THEMIS: variants seen among roughly 807,000 people sequenced by gnomAD.
THEMIS encodes protein THEMIS.
In THEMIS, 37 loss-of-function variants were observed where a neutral mutation model predicts 52.6. That is an observed-to-expected ratio of 0.70 (90% CI 0.54 to 0.93). THEMIS has a LOEUF of 0.93. THEMIS is among the 40% of genes least tolerant of loss of function. The pLI is 0.00. For missense variants in THEMIS, 808 were observed against 763.1 expected, an observed-to-expected ratio of 1.06 and a Z score of -0.69; for synonymous variants, 292 against 272.7, an observed-to-expected ratio of 1.07 and a Z score of -0.70.
intron 4 of THEMIS, among the ~76,000 whole-genome samples, chr6:127,794,769 C>T (rs1656150607): frequency 6.6e-6 from 1 of 152,240 alleles, no homozygotes; most frequent in African/African-American, 2.4e-5. Context: ...AATTATTCTA[C>T]ACCCCTTAAA....
intron 2 of THEMIS, among the ~76,000 whole-genome samples, chr6:127,840,219 A>G (rs1779000614): frequency 6.6e-6 from 1 of 152,132 alleles, no homozygotes; most frequent in Non-Finnish European, 1.5e-5. Flanking sequence ...AGAAATGCAG[A>G]CAAAATGTTA....
rs75827423 is a variant in THEMIS at position 127,762,460 on chromosome 6, C to A, written c.1759-42637G>T. Among the ~76,000 whole-genome samples the A allele has an allele frequency of 5.7e-3, 863 of 152,190 alleles. 21 individuals are homozygous for A. The East Asian group carries it at 0.073, about 13-fold the overall frequency. ...TCCTCTGTTGGCATCCTGTCTTACT[C>A]AGAAAAGAAATCTAAAGCGCTTATC... On this transcript the variant is annotated intron_variant, in intron 4 of 5. Transcript: ENST00000368248.
At chr6:127,782,463 C>G (rs371238957) in intron 4 of THEMIS, among the ~76,000 whole-genome samples, 7 of 152,124 alleles carry the variant, frequency 4.6e-5, no homozygotes, top group Admixed American at 3.9e-4. Flanking sequence ...CTGTGGGTTG[C>G]GAAGACCATG....
downstream of THEMIS, among the ~76,000 whole-genome samples, chr6:127,706,001 C>T (rs1301688241): frequency 6.6e-6 from 1 of 152,112 alleles, no homozygotes; most frequent in East Asian, 1.9e-4. Flanking sequence ...ACAGATTTCT[C>T]CTAAGAACAC....
intron 4 of THEMIS, among the ~76,000 whole-genome samples, chr6:127,725,881 G>A (rs1024001538): frequency 6.6e-6 from 1 of 152,098 alleles, no homozygotes; most frequent in Non-Finnish European, 1.5e-5. Flanking sequence ...GTGTTTGGCA[G>A]GACTTGGTTC....
intron 3 of THEMIS, among the ~76,000 whole-genome samples, chr6:127,815,832 C>A (rs1407866248): frequency 6.6e-6 from 1 of 152,080 alleles, no homozygotes; most frequent in Non-Finnish European, 1.5e-5. Context: ...AGAATAGATG[C>A]CATCAAGGAC....
intron 4 of THEMIS, among the ~76,000 whole-genome samples, chr6:127,733,540 T>C (rs1216489494): frequency 6.6e-6 from 1 of 152,068 alleles, no homozygotes; most frequent in African/African-American, 2.4e-5. Flanking sequence ...CTCTGGAAAG[T>C]AAAAACAAGA....
At chr6:127,898,826 A>G (rs554783528) in intron 1 of THEMIS, among the ~76,000 whole-genome samples, 7 of 152,074 alleles carry the variant, frequency 4.6e-5, no homozygotes, top group South Asian at 2.1e-4. Flanking sequence ...AACAACATGG[A>G]TAGAACTGAA....
chr6:127,897,746 A>G (rs929866123), intron 1 of THEMIS, among the ~76,000 whole-genome samples: 2 of 151,728 alleles, frequency 1.3e-5, no homozygotes, highest in African/African-American at 2.4e-5. Flanking sequence ...CCAAGGGTGA[A>G]TGTACACACA....
At chr6:127,734,160 T>C (rs770174648) in intron 4 of THEMIS, among the ~76,000 whole-genome samples, 2 of 152,266 alleles carry the variant, frequency 1.3e-5, no homozygotes, top group Non-Finnish European at 2.9e-5. Flanking sequence ...AGATCAACAA[T>C]TGCAACATAT....
chr6:127,881,012 T>C (rs1780469248), intron 1 of THEMIS, among the ~76,000 whole-genome samples: 1 of 152,076 alleles, frequency 6.6e-6, no homozygotes, highest in East Asian at 1.9e-4. Context: ...CCAAGTAAAA[T>C]GTAAAGTTTT....
intron 1 of THEMIS, among the ~76,000 whole-genome samples, chr6:127,896,780 A>G (rs77018811): frequency 1.4e-3 from 218 of 151,704 alleles, no homozygotes; most frequent in Non-Finnish European, 2.7e-3. Flanking sequence ...ACATAATTAA[A>G]TCTTTACCTC....
chr6:127,886,456 A>C (rs1182857061), intron 1 of THEMIS, among the ~76,000 whole-genome samples: 1 of 152,134 alleles, frequency 6.6e-6, no homozygotes, highest in Non-Finnish European at 1.5e-5. Flanking sequence ...GAAGCATAAA[A>C]GTGTTTTTGT....
chr6:127,724,883 A>G (rs1002269913), intron 4 of THEMIS, among the ~76,000 whole-genome samples: 2 of 152,090 alleles, frequency 1.3e-5, no homozygotes, highest in African/African-American at 2.4e-5. Context: ...TCTATCTTTC[A>G]TCTCATACCT....
At position 127,731,389 on chromosome 6, in the gene THEMIS, A is replaced by G. The variant is rs563016808; in HGVS notation, c.1759-11566T>C. Among the ~76,000 whole-genome samples, 87 of 150,630 alleles carry G rather than the reference A, an allele frequency of 5.8e-4. 1 individual carries two copies. The highest frequency in any genetic ancestry group is 3.5e-3 in the East Asian group (18 of 5,138). ...AATATAATAAACAGATATGTCGGGG[A>G]AAAAAAAACAGAACTCTCATGCAAC... On this transcript the variant is annotated intron_variant, in intron 4 of 5. Coordinates refer to ENST00000368248, the MANE Select transcript of THEMIS (RefSeq NM_001010923.3).
At chr6:127,868,725 G>T (rs1780061990) in intron 1 of THEMIS, among the ~76,000 whole-genome samples, 1 of 152,130 alleles carries the variant, frequency 6.6e-6, no homozygotes, top group South Asian at 2.1e-4. Flanking sequence ...ACTCTTAATG[G>T]AGACGATAAG....
chr6:127,729,427 A>G (rs1334127216), intron 4 of THEMIS, among the ~76,000 whole-genome samples: 1 of 152,082 alleles, frequency 6.6e-6, no homozygotes, highest in Admixed American at 6.5e-5. Context: ...GAAATCCAGC[A>G]TTCCTCATTT....
intron 1 of THEMIS, among the ~76,000 whole-genome samples, chr6:127,871,001 C>T (rs530033504): frequency 6.6e-6 from 1 of 152,244 alleles, no homozygotes; most frequent in African/African-American, 2.4e-5. Context: ...ATCAAATCTT[C>T]CTTTATAGAA....
Position 127,709,034 on chromosome 6 carries a change from A to T in THEMIS, c.*951T>A, listed in dbSNP as rs1237330891. On this transcript the variant is annotated 3_prime_UTR_variant, in exon 6 of 6. Coordinates refer to ENST00000368248, the MANE Select transcript of THEMIS (RefSeq NM_001010923.3). ...AAAGGAAAAATAATATTGTTCCTGT[A>T]TACTTAATACATAATAAGATAAATT... 6.6e-6 allele frequency: 1 copy of T among 152,044 alleles called. No individual in the cohort carries two copies. The highest frequency in any genetic ancestry group is 2.4e-5 in the African/African-American group (1 of 41,426). The allele number at this position is 152,044 out of a possible 1,614,324, so 9.4% of individuals were successfully genotyped here. A position where few individuals can be genotyped will look rare whatever the true frequency, so the allele number is the denominator to read the frequency against.
Sources: allele counts gnomAD v4.1 joint callset (sites outside exome capture counted in the v4.1 genomes callset), GRCh38; gene constraint gnomAD v4.1.1; transcripts MANE v1.5; gene names NCBI Gene and HGNC (gene_info 2026-07-23, HGNC 2026-07-21).